The following TBC1D5 variants were observed in gnomAD, a reference collection of about 807,000 sequenced individuals.
TBC1D5 encodes the protein TBC1 domain family member 5.
A neutral mutation model predicts 100.3 loss-of-function variants in TBC1D5; 75 were observed. The ratio of observed to expected loss-of-function variants is 0.75; its 90% CI spans 0.62 to 0.91. The LOEUF (loss-of-function observed/expected upper bound fraction) is 0.91, where lower values mean the gene tolerates loss of function less well. Ranked by LOEUF, TBC1D5 falls within the 40% of genes least tolerant of loss-of-function variation. The pLI is 0.00. For missense variants in TBC1D5, 910 were observed against 942.4 expected (o/e 0.97, Z 0.45); for synonymous variants, 323 against 325.6 (o/e 0.99, Z 0.09).
intron 13 of TBC1D5, among the ~76,000 whole-genome samples, chr3:17,350,012 A>G (rs1411581102): frequency 6.6e-6 from 1 of 152,190 alleles, no homozygotes; most frequent in Non-Finnish European, 1.5e-5. Flanking sequence ...CGGGTGTTTC[A>G]TAACTTTTAT....
intron 3 of TBC1D5, among the ~76,000 whole-genome samples, chr3:17,459,189 T>C (rs539859070): frequency 6.6e-6 from 1 of 152,228 alleles, no homozygotes; most frequent in Admixed American, 6.5e-5. Flanking sequence ...TAGTTTCTTA[T>C]AGAGCAGCGG....
chr3:17,486,314 A>T (rs992219045), intron 3 of TBC1D5, among the ~76,000 whole-genome samples: 3 of 151,904 alleles, frequency 2.0e-5, no homozygotes, highest in Admixed American at 6.6e-5. Flanking sequence ...TGGTAGTTTC[A>T]TTTGCTGTGC....
At chr3:17,178,679 G>T (rs1404356037) in intron 19 of TBC1D5, among the ~76,000 whole-genome samples, 1 of 152,004 alleles carries the variant, frequency 6.6e-6, no homozygotes, top group Non-Finnish European at 1.5e-5. Context: ...TAGAGATAGG[G>T]TCTTGCTCTC....
rs1269918387 is a variant in TBC1D5 at position 17,664,838 on chromosome 3, G to C, written c.-100-40925C>G. On this transcript the variant is annotated intron_variant, in intron 1 of 21. Coordinates refer to ENST00000253692, the Ensembl canonical transcript of TBC1D5. ...AAAGGAATTTATTGGCTAGGTACTA[G>C]ATAGTTCACAACACTAAGACAAGGT... 4 of 152,086 alleles carry C rather than the reference G, an allele frequency of 2.6e-5. No individual in the cohort carries two copies. The East Asian group carries it at 5.8e-4, about 22-fold the overall frequency. 9.4% of individuals were successfully genotyped at this position (152,086 alleles called of 1,614,324 possible).
intron 3 of TBC1D5, among the ~76,000 whole-genome samples, chr3:17,453,190 G>A (rs1319526476): frequency 6.6e-6 from 1 of 151,270 alleles, no homozygotes; most frequent in Non-Finnish European, 1.5e-5. Context: ...ATTTATAGCT[G>A]TAAGTGCCTA....
At chr3:17,436,477 T>A (rs902328693) in intron 3 of TBC1D5, among the ~76,000 whole-genome samples, 1 of 152,302 alleles carries the variant, frequency 6.6e-6, no homozygotes, top group East Asian at 1.9e-4. Context: ...AATAATTGAA[T>A]ATTGTGGCTT....
intron 3 of TBC1D5, among the ~76,000 whole-genome samples, chr3:17,468,304 C>T (rs1378043977): frequency 2.0e-5 from 3 of 152,190 alleles, no homozygotes; most frequent in Admixed American, 2.0e-4. Context: ...GACCTTTACA[C>T]TTGCTATTTC....
chr3:17,581,051 G>C (rs1052707661), intron 2 of TBC1D5, among the ~76,000 whole-genome samples: 1 of 152,202 alleles, frequency 6.6e-6, no homozygotes, highest in African/African-American at 2.4e-5. Context: ...CTGGTGGGAA[G>C]TAACTGAATC....
At chr3:17,187,689 T>A (rs1039130214) in intron 18 of TBC1D5, among the ~76,000 whole-genome samples, 10 of 152,220 alleles carry the variant, frequency 6.6e-5, no homozygotes, top group African/African-American at 2.4e-4. Flanking sequence ...CTATTCCTGG[T>A]CCTGCCTGGT....
At position 17,655,234 on chromosome 3, in the gene TBC1D5, C is replaced by T. The variant is rs143862793; in HGVS notation, c.-100-31321G>A. ...AAAAACCAAACACCGCATATTCTCACTCATAGGTGGGAATTGAACAGTGAG... is the reference window on the plus strand; with the variant it reads ...AAAAACCAAACACCGCATATTCTCATTCATAGGTGGGAATTGAACAGTGAG... On this transcript the variant is annotated intron_variant, in intron 1 of 21. Transcript: ENST00000253692. Among the ~76,000 whole-genome samples the T allele has an allele frequency of 9.0e-3, 1,279 of 142,424 alleles. 15 individuals carry two copies. The highest frequency in any genetic ancestry group is 0.025 in the South Asian group (114 of 4,540). The allele number at this position is 142,424 out of a possible 152,430, so 93.4% of individuals were successfully genotyped here.
chr3:17,353,883 A>G (rs956417416), intron 13 of TBC1D5, among the ~76,000 whole-genome samples: 1 of 152,100 alleles, frequency 6.6e-6, no homozygotes, highest in African/African-American at 2.4e-5. Flanking sequence ...ATTTTTATTT[A>G]TAATGGGTTT....
intron 3 of TBC1D5, among the ~76,000 whole-genome samples, chr3:17,444,372 TTTATA>T (rs1559898144): frequency 1.3e-5 from 2 of 152,044 alleles, no homozygotes; most frequent in East Asian, 1.9e-4. Context: ...CATAAACAAT[TTTATA>T]TTATATTATT....
intron 2 of TBC1D5, among the ~76,000 whole-genome samples, chr3:17,563,939 T>G (rs113834241): frequency 2.0e-5 from 3 of 152,056 alleles, no homozygotes; most frequent in Non-Finnish European, 2.9e-5. Flanking sequence ...CCCGCCACCA[T>G]GCCTGGCTAA....
chr3:17,519,943 T>C (rs1261832991), intron 2 of TBC1D5, among the ~76,000 whole-genome samples: 3 of 152,320 alleles, frequency 2.0e-5, no homozygotes, highest in African/African-American at 7.2e-5. Flanking sequence ...TCATATCAAA[T>C]GCAAACTCAA....
At chr3:17,528,271 G>A (rs1458605524) in intron 2 of TBC1D5, among the ~76,000 whole-genome samples, 2 of 152,136 alleles carry the variant, frequency 1.3e-5, no homozygotes, top group Non-Finnish European at 2.9e-5. Flanking sequence ...AGGTGATTTC[G>A]CCATCAGGAC....
At chr3:17,331,274 G>A (rs1313680178) in intron 13 of TBC1D5, among the ~76,000 whole-genome samples, 1 of 152,002 alleles carries the variant, frequency 6.6e-6, no homozygotes, top group Non-Finnish European at 1.5e-5. Context: ...TGTTTAGGTC[G>A]AAGTGTCAAC....
intron 3 of TBC1D5, among the ~76,000 whole-genome samples, chr3:17,484,149 C>A (rs2095531731): frequency 6.6e-6 from 1 of 152,054 alleles, no homozygotes; most frequent in African/African-American, 2.4e-5. Context: ...TTCAGTTTAT[C>A]CTTAAAGACA....
At chr3:17,167,013 T>C in intron 20 of TBC1D5, 85 bp from the exon 22 acceptor site, 1 of 1,245,648 alleles carries the variant, frequency 8.0e-7, no homozygotes, top group Non-Finnish European at 1.1e-6. Context: ...ACATTTGAAC[T>C]AGCCTTGTCA....
intron 17 of TBC1D5, among the ~76,000 whole-genome samples, chr3:17,236,114 C>T (rs2075831500): frequency 6.6e-6 from 1 of 152,114 alleles, no homozygotes; most frequent in African/African-American, 2.4e-5. Context: ...CCATGCACTT[C>T]CTTTCTCACT....
Sources: allele counts gnomAD v4.1 joint callset (sites outside exome capture counted in the v4.1 genomes callset), GRCh38; gene constraint gnomAD v4.1.1; transcripts MANE v1.5; gene names NCBI Gene and HGNC (gene_info 2026-07-23, HGNC 2026-07-21).